The following SLC35A3 variants were observed in gnomAD, a reference collection of about 807,000 sequenced individuals.
SLC35A3 encodes the protein solute carrier family 35 member A3.
In SLC35A3, 26 loss-of-function variants were observed where a neutral mutation model predicts 39.0. The observed-to-expected ratio is 0.67, with a 90% CI of 0.49 to 0.92. The LOEUF (loss-of-function observed/expected upper bound fraction) is 0.92. SLC35A3 is among the 40% of genes least tolerant of loss of function. The probability of loss-of-function intolerance (pLI) is 0.00; values close to 1 mark genes in which losing one functional copy is unlikely to be tolerated. For missense variants in SLC35A3, 299 were observed against 371.6 expected, an observed-to-expected ratio of 0.80 and a Z score of 1.61; for synonymous variants, 135 against 133.1, an observed-to-expected ratio of 1.01 and a Z score of -0.10.
chr1:99,990,388 A>T (rs1220753608), intron 1 of SLC35A3, among the ~76,000 whole-genome samples: 1 of 152,110 alleles, frequency 6.6e-6, no homozygotes, highest in African/African-American at 2.4e-5. Flanking sequence ...ATCCTGGCCA[A>T]CATGGTGAAA....
chr1:99,971,823 A>G (rs1656830777), intron 1 of SLC35A3, among the ~76,000 whole-genome samples: 1 of 151,970 alleles, frequency 6.6e-6, no homozygotes, highest in African/African-American at 2.4e-5. Context: ...CTTATTCTTC[A>G]ATTCCTTAAA....
intron 7 of SLC35A3, among the ~76,000 whole-genome samples, chr1:100,021,102 A>G (rs1418724757): frequency 6.6e-6 from 1 of 152,190 alleles, no homozygotes; most frequent in Non-Finnish European, 1.5e-5. Context: ...GTACACATTA[A>G]AAGTTAAGAT....
At chr1:100,004,767 T>C (rs1659088616) in intron 3 of SLC35A3, among the ~76,000 whole-genome samples, 1 of 152,126 alleles carries the variant, frequency 6.6e-6, no homozygotes, top group African/African-American at 2.4e-5. Context: ...CTTGCTATGC[T>C]TCCTAGGCTG....
rs1661118492 is a variant in SLC35A3, at chr1:100,029,644, T to A, written c.*7168T>A. 1.3e-5 allele frequency: 2 copies of A among 152,252 alleles called. No homozygotes were observed. Among genetic ancestry groups the A allele is most frequent in the Admixed American group, 6.5e-5 (1 of 15,282 alleles). The allele number at this position is 152,252 out of a possible 1,614,324, so 9.4% of individuals were successfully genotyped here. A position where few individuals can be genotyped will look rare whatever the true frequency, so the allele number is the denominator to read the frequency against. On this transcript the variant is annotated 3_prime_UTR_variant, in exon 8 of 8. Transcript: ENST00000533028. Reference sequence around the variant, plus strand: ...CGGGTTTTCACCATGTTGGCCAGGCTGGTCTCGAACTCCTGACCTCAGGTG... The same window carrying A: ...CGGGTTTTCACCATGTTGGCCAGGCAGGTCTCGAACTCCTGACCTCAGGTG...
intron 1 of SLC35A3, among the ~76,000 whole-genome samples, chr1:99,985,163 G>A (rs1434857922): frequency 6.6e-6 from 1 of 152,126 alleles, no homozygotes. Context: ...GTCTAGTAGG[G>A]TTTTTCTAAT....
chr1:99,999,470 A>T, intron 3 of SLC35A3, 55 bp downstream of exon 3: 1 of 1,145,908 alleles, frequency 8.7e-7, no homozygotes, highest in Non-Finnish European at 1.2e-6. Flanking sequence ...TATACATAAT[A>T]ATTGTATATA....
chr1:99,970,980 C>T (rs989482571), intron 1 of SLC35A3, among the ~76,000 whole-genome samples: 1 of 152,262 alleles, frequency 6.6e-6, no homozygotes, highest in Non-Finnish European at 1.5e-5. Flanking sequence ...TTAGTTCTCC[C>T]CTTTTTCATT....
chr1:100,018,297 T>C (rs1660301039), intron 7 of SLC35A3, among the ~76,000 whole-genome samples: 1 of 152,192 alleles, frequency 6.6e-6, no homozygotes, highest in Non-Finnish European at 1.5e-5. Flanking sequence ...TTATGGATGC[T>C]AAGGGAGGAG....
In SLC35A3 at chr1:100,011,576, T is replaced by C. The variant is rs960838090; in HGVS notation, c.634+43T>C. On this transcript the variant is annotated intron_variant, in intron 5 of 7. Transcript: ENST00000533028. Reference sequence around the variant, plus strand: ...TCTAATATTATTTTAAAAATGATTATATTGTTATATTTAAAGATTTCTATA... The same window carrying C: ...TCTAATATTATTTTAAAAATGATTACATTGTTATATTTAAAGATTTCTATA... The C allele has an allele frequency of 1.1e-5, 8 of 735,150 alleles. No homozygotes were observed. In the African/African-American group the frequency reaches 1.5e-4, roughly 14 times the overall value. The allele number at this position is 735,150 out of a possible 1,614,324, so 45.5% of individuals were successfully genotyped here.
rs1660645926 is a variant in SLC35A3 at position 100,022,758 on chromosome 1, A to T, written c.*282A>T. 1 of 227,694 alleles carries T rather than the reference A, an allele frequency of 4.4e-6. No homozygotes were observed. Among genetic ancestry groups the T allele is most frequent in the East Asian group, 9.2e-5 (1 of 10,912 alleles). The allele number at this position is 227,694 out of a possible 1,614,324, so 14.1% of individuals were successfully genotyped here. ...GATTTTACCTTTTTGATTGCTGCAG[A>T]AATGTCCTATGCACTCTTTGCAAGA... is the stretch of plus-strand genomic sequence containing the variant. On this transcript the variant is annotated 3_prime_UTR_variant, in exon 8 of 8. Transcript: ENST00000533028.
intron 1 of SLC35A3, 180 bp downstream of exon 1, chr1:99,970,342 G>C (rs1044482880): frequency 3.5e-6 from 2 of 576,840 alleles, no homozygotes; most frequent in African/African-American, 1.9e-5. Context: ...AGTAGGGGTG[G>C]GAGCAGATGA....
intron 3 of SLC35A3, among the ~76,000 whole-genome samples, chr1:100,002,691 A>AG (rs1658891010): frequency 6.6e-6 from 1 of 152,138 alleles, no homozygotes; most frequent in African/African-American, 2.4e-5. Context: ...GTCTTAGCTT[A>AG]CTGCAGCCTC....
chr1:99,979,090 C>T (rs995294840), intron 1 of SLC35A3: 1 of 152,214 alleles, frequency 6.6e-6, no homozygotes, highest in African/African-American at 2.4e-5. Context: ...TTAAAAAATA[C>T]AGACTTAGAT....
At chr1:99,970,964 T>C (rs1456421389) in intron 1 of SLC35A3, among the ~76,000 whole-genome samples, 2 of 152,200 alleles carry the variant, frequency 1.3e-5, no homozygotes, top group African/African-American at 2.4e-5. Context: ...CTTCAGCATC[T>C]CAAATTTAGT....
At chr1:100,011,341 A>C in intron 4 of SLC35A3, 24 bp from the exon 5 acceptor site, 1 of 1,317,328 alleles carries the variant, frequency 7.6e-7, no homozygotes, top group South Asian at 1.7e-5. Flanking sequence ...ATTAAACTTC[A>C]ATTTTATTTT....
intron 1 of SLC35A3, among the ~76,000 whole-genome samples, chr1:99,983,595 G>A (rs763267811): frequency 6.6e-5 from 10 of 151,470 alleles, no homozygotes; most frequent in Non-Finnish European, 1.2e-4. Flanking sequence ...GAATAAGTTT[G>A]AGTATATGAT....
intron 1 of SLC35A3, among the ~76,000 whole-genome samples, chr1:99,991,907 C>T (rs1658111849): frequency 6.6e-6 from 1 of 152,126 alleles, no homozygotes; most frequent in East Asian, 1.9e-4. Context: ...TGCCACCACA[C>T]CCAGCTAATT....
chr1:99,999,869 GC>G (rs1658648161), intron 3 of SLC35A3, among the ~76,000 whole-genome samples: 1 of 151,482 alleles, frequency 6.6e-6, no homozygotes, highest in African/African-American at 2.4e-5. Flanking sequence ...TTCTGTGTGT[GC>G]CTGGGTTGTT....
intron 2 of SLC35A3, among the ~76,000 whole-genome samples, chr1:99,996,394 G>A (rs1376087595): frequency 1.3e-5 from 2 of 152,074 alleles, no homozygotes; most frequent in African/African-American, 2.4e-5. Context: ...GGGGGCAAAG[G>A]ATATAAACAG....
Sources: allele counts gnomAD v4.1 joint callset (sites outside exome capture counted in the v4.1 genomes callset), GRCh38; gene constraint gnomAD v4.1.1; transcripts MANE v1.5; gene names NCBI Gene and HGNC (gene_info 2026-07-23, HGNC 2026-07-21).